Variants in DSG3 observed in about 807,000 individuals in gnomAD.
DSG3 encodes the protein desmoglein-3.
Under a neutral mutation model 85.9 loss-of-function variants are expected in DSG3, and 63 were observed. The ratio of observed to expected loss-of-function variants is 0.73; its 90% CI spans 0.60 to 0.90. The LOEUF (loss-of-function observed/expected upper bound fraction) is 0.90, where lower values mean the gene tolerates loss of function less well. DSG3 is among the 40% of genes least tolerant of loss of function. The pLI is 0.00. For missense variants in DSG3, 1,220 were observed against 1,219.9 expected (o/e 1.00, Z 0.00); for synonymous variants, 447 against 441.9 (o/e 1.01, Z -0.14).
chr18:31,469,465 T>C (rs879148099), intron 12 of DSG3, 116 bp downstream of exon 12: 2 of 1,416,394 alleles, frequency 1.4e-6, no homozygotes, highest in African/African-American at 1.4e-5. Flanking sequence ...GTTTTATAGG[T>C]AAAGCTAGGG....
intron 1 of DSG3, among the ~76,000 whole-genome samples, chr18:31,450,907 C>T (rs557633440): frequency 2.6e-5 from 4 of 152,206 alleles, no homozygotes; most frequent in African/African-American, 9.6e-5. Flanking sequence ...GTCTTACTAT[C>T]TTAAATAACC....
rs1433786815 is a variant in DSG3 at position 31,477,439 on chromosome 18, T to C, written c.*1179T>C. The C allele has an allele frequency of 6.6e-6, 1 of 152,222 alleles. No individual in the cohort carries two copies. The highest frequency in any genetic ancestry group is 1.5e-5 in the Non-Finnish European group (1 of 68,038). 9.4% of individuals were successfully genotyped at this position (152,222 alleles called of 1,614,324 possible). ...TTGTAGGAATACAAAACATGGCCTT[T>C]TTTATAAGCAAAACGGGCCAATGAC... On this transcript the variant is annotated 3_prime_UTR_variant, in exon 16 of 16. Coordinates refer to ENST00000257189, the MANE Select transcript of DSG3 (RefSeq NM_001944.3).
rs762170918 is a variant in DSG3, at chr18:31,461,412, G to A, written c.999G>A (p.Lys333=). The A allele has an allele frequency of 2.5e-6, 4 of 1,611,074 alleles. No homozygotes were observed. In the South Asian group the frequency reaches 4.4e-5, roughly 18 times the overall value. Residue 333 remains lysine (K), a splice_region_variant and synonymous_variant, in exon 8 of 16, where the codon AAG becomes AAA. Coordinates refer to ENST00000257189, the MANE Select transcript of DSG3 (RefSeq NM_001944.3). The part of the protein sequence containing the change: ...RTNEGILKVV[K]ALDYEQLQSV... Reference sequence around the variant, plus strand: ...ATGAAGGCATCCTGAAAGTGGTGAAGGTAAGGTCTGACTTCCCTTCATTGG... The same window carrying A: ...ATGAAGGCATCCTGAAAGTGGTGAAAGTAAGGTCTGACTTCCCTTCATTGG...
rs1203338640 is a variant in DSG3, at chr18:31,474,186, A to T, written c.2167A>T (p.Thr723Ser). The change falls in exon 15 of 16, where the codon ACT (threonine) becomes TCT (serine). Residue 723 changes from threonine to serine, a missense_variant. Coordinates refer to ENST00000257189, the MANE Select transcript of DSG3 (RefSeq NM_001944.3). ...AGGCACTTCAGGAATGGAAATGACC[A>T]CTAAGCTTGGAGCAGCCACTGAATC... ...VEGTSGMEMTTKLGAATESGG... is the reference protein window; with the variant it reads ...VEGTSGMEMTSKLGAATESGG... 6.2e-7 allele frequency: 1 copy of T among 1,614,230 alleles called. No individual in the cohort carries two copies. Among genetic ancestry groups the T allele is most frequent in the South Asian group, 1.1e-5 (1 of 91,082 alleles).
At position 31,472,717 on chromosome 18, in the gene DSG3, G is replaced by A. The variant is rs1397346719; in HGVS notation, c.2038-8G>A. On this transcript the variant is annotated splice_polypyrimidine_tract_variant and splice_region_variant and intron_variant, in intron 13 of 15. Transcript: ENST00000257189. ...TTTAAATGAATTTATTTTTCACATG[G>A]TTTGCAGGAAATCACAAATATTTGT... 1 of 1,613,682 alleles carries A rather than the reference G, an allele frequency of 6.2e-7. No homozygotes were observed.
intron 8 of DSG3, among the ~76,000 whole-genome samples, chr18:31,462,658 T>C (rs1017136016): frequency 6.6e-6 from 1 of 152,186 alleles, no homozygotes; most frequent in African/African-American, 2.4e-5. Flanking sequence ...TGACATTTCC[T>C]CACAGCATAC....
At position 31,476,388 on chromosome 18, in the gene DSG3, T is replaced by C; in HGVS notation, c.*128T>C. The C allele has an allele frequency of 9.1e-7, 1 of 1,100,918 alleles. No individual in the cohort carries two copies. Among genetic ancestry groups the C allele is most frequent in the Non-Finnish European group, 1.3e-6 (1 of 788,896 alleles). The allele number at this position is 1,100,918 out of a possible 1,614,324, so 68.2% of individuals were successfully genotyped here. On this transcript the variant is annotated 3_prime_UTR_variant, in exon 16 of 16. Coordinates refer to ENST00000257189, the MANE Select transcript of DSG3 (RefSeq NM_001944.3). ...CTTATTAGCTTCTCTCATAAACTGA[T>C]CACGATTATAAATTAAATGTTTGGG...
chr18:31,459,172 C>T lies in DSG3; in HGVS notation c.512C>T (p.Ala171Val), dbSNP rs373067281. The change falls in exon 5 of 16, where the codon GCC becomes GTC. Residue 171 changes from alanine to valine, a missense_variant. By Grantham distance (64) the Ala-to-Val change is moderately conservative. Transcript: ENST00000257189. ...ATGGGTGAAATTGAAGAAAATAGTGCCTCAAGTAAGTCTTTTACAGTACTT... is the reference window on the plus strand; with the variant it reads ...ATGGGTGAAATTGAAGAAAATAGTGTCTCAAGTAAGTCTTTTACAGTACTT... ...IFMGEIEENSASNSLVMILNA... is the reference protein window; with the variant it reads ...IFMGEIEENSVSNSLVMILNA... 4.3e-6 allele frequency: 7 copies of T among 1,611,304 alleles called. No individual in the cohort carries two copies. The highest frequency in any genetic ancestry group is 2.2e-5 in the South Asian group (2 of 90,724).
intron 12 of DSG3, among the ~76,000 whole-genome samples, chr18:31,470,062 T>C (rs967558984): frequency 1.3e-5 from 2 of 152,058 alleles, no homozygotes; most frequent in Non-Finnish European, 2.9e-5. Flanking sequence ...ATTTATTCAA[T>C]AGATAGGTTT....
Position 31,464,262 on chromosome 18 carries a change from G to A in DSG3, c.1151G>A (p.Arg384His), listed in dbSNP as rs377115190. 139 of 1,613,990 alleles carry A rather than the reference G, an allele frequency of 8.6e-5. No individual in the cohort carries two copies. The highest frequency in any genetic ancestry group is 6.6e-4 in the Middle Eastern group (4 of 6,084). Residue 384 changes from arginine to histidine, a missense_variant, in exon 9 of 16, where the codon CGT (arginine) becomes CAT (histidine). Physicochemically the swap from Arg to His is conservative, Grantham distance 29. Transcript: ENST00000257189. ...AATGTAAGAGAAGGAATTGCATTCCGTCCTGCTTCCAAGACATTTACTGTG... is the reference window on the plus strand; with the variant it reads ...AATGTAAGAGAAGGAATTGCATTCCATCCTGCTTCCAAGACATTTACTGTG... Reference protein sequence around the residue: ...VINVREGIAFRPASKTFTVQK... With the variant: ...VINVREGIAFHPASKTFTVQK...
At position 31,464,256 on chromosome 18, in the gene DSG3, C is replaced by A; in HGVS notation, c.1145C>A (p.Ala382Glu). ...IQVINVREGIAFRPASKTFTV... is the reference protein window; with the variant it reads ...IQVINVREGIEFRPASKTFTV... ...GTAATAAATGTAAGAGAAGGAATTG[C>A]ATTCCGTCCTGCTTCCAAGACATTT... Residue 382 changes from alanine (A) to glutamate (E), a missense_variant, in exon 9 of 16, where the codon GCA (alanine) becomes GAA (glutamate). Coordinates refer to ENST00000257189, the MANE Select transcript of DSG3 (RefSeq NM_001944.3). 1 of 1,614,154 alleles carries A rather than the reference C, an allele frequency of 6.2e-7. No homozygotes were observed. The highest frequency in any genetic ancestry group is 8.5e-7 in the Non-Finnish European group (1 of 1,180,014).
chr18:31,462,514 G>A (rs770992504), intron 8 of DSG3, among the ~76,000 whole-genome samples: 5 of 152,148 alleles, frequency 3.3e-5, no homozygotes, highest in African/African-American at 4.8e-5. Context: ...TTTGGGACAA[G>A]TGCCACAGCC....
rs1392986598 is a variant in DSG3 at position 31,478,518 on chromosome 18, T to C, written c.*2258T>C. 2.0e-5 allele frequency: 3 copies of C among 152,212 alleles called. No individual in the cohort carries two copies. Among genetic ancestry groups the C allele is most frequent in the Non-Finnish European group, 4.4e-5 (3 of 68,044 alleles). 9.4% of individuals were successfully genotyped at this position (152,212 alleles called of 1,614,324 possible). The stretch of plus-strand genomic sequence containing the variant: ...TTCAAAAAAAAATCAATCTTTAGGA[T>C]GACTTAAAAATTGATTTGCCATGTA... On this transcript the variant is annotated 3_prime_UTR_variant, in exon 16 of 16. Transcript: ENST00000257189.
At chr18:31,458,416 C>T in intron 3 of DSG3, 29 bp from the exon 4 acceptor site, 1 of 1,607,284 alleles carries the variant, frequency 6.2e-7, no homozygotes, top group South Asian at 1.1e-5. Flanking sequence ...TGATGGTCAC[C>T]TCAACGTTTT....
chr18:31,473,233 T>C (rs556911226), intron 14 of DSG3, among the ~76,000 whole-genome samples: 5 of 152,330 alleles, frequency 3.3e-5, no homozygotes, highest in East Asian at 1.9e-4. Context: ...CCTGTTCCCC[T>C]TCTTTCTTCC....
At chr18:31,456,660 A>G (rs530321159) in intron 2 of DSG3, among the ~76,000 whole-genome samples, 185 bp downstream of exon 2, 251 of 152,310 alleles carry the variant, frequency 1.6e-3, no homozygotes, top group African/African-American at 5.6e-3. Flanking sequence ...CATAAATGTC[A>G]TTATTATAAT....
At position 31,459,878 on chromosome 18, in the gene DSG3, C is replaced by A; in HGVS notation, c.551C>A (p.Ala184Glu). ...GTGATGATACTAAATGCCACAGATG[C>A]AGATGAACCAAACCACTTGAATTCT... is the stretch of plus-strand genomic sequence containing the variant. ...SLVMILNATD[A>E]DEPNHLNSKI... Residue 184 changes from alanine to glutamate, a missense_variant, in exon 6 of 16, where the codon GCA (alanine) becomes GAA (glutamate). Ala to Glu is a moderately radical substitution (Grantham distance 107, BLOSUM62 -1). Coordinates refer to ENST00000257189, the MANE Select transcript of DSG3 (RefSeq NM_001944.3). The A allele has an allele frequency of 6.2e-7, 1 of 1,613,930 alleles. No homozygotes were observed. The highest frequency in any genetic ancestry group is 8.5e-7 in the Non-Finnish European group (1 of 1,179,918).
chr18:31,459,802 A>T, intron 5 of DSG3, 43 bp from the exon 6 acceptor site: 1 of 1,516,622 alleles, frequency 6.6e-7, no homozygotes, highest in Non-Finnish European at 9.0e-7. Flanking sequence ...ACATAATGTT[A>T]ATTGTTACAT....
chr18:31,476,335 C>T lies in DSG3; in HGVS notation c.*75C>T. 2 of 1,509,150 alleles carry T rather than the reference C, an allele frequency of 1.3e-6. No individual in the cohort carries two copies. The highest frequency in any genetic ancestry group is 1.3e-5 in the South Asian group (1 of 75,636). The allele number at this position is 1,509,150 out of a possible 1,614,324, so 93.5% of individuals were successfully genotyped here. On this transcript the variant is annotated 3_prime_UTR_variant, in exon 16 of 16. Transcript: ENST00000257189. ...AAGTATTCAAAATAGCATAGCAAAGCTCACTGTATTGGGCTAATAATTTGG... is the reference window on the plus strand; with the variant it reads ...AAGTATTCAAAATAGCATAGCAAAGTTCACTGTATTGGGCTAATAATTTGG...
Sources: gnomAD v4.1 joint callset for allele counts (sites outside exome capture counted in the v4.1 genomes callset) on GRCh38, gnomAD v4.1.1 for gene constraint, MANE v1.5 for transcripts, NCBI Gene and HGNC (gene_info 2026-07-23, HGNC 2026-07-21) for gene names.